The following FRMD4B variants were observed in gnomAD, a reference collection of about 807,000 sequenced individuals.
The protein encoded by FRMD4B is FERM domain containing 4B.
Under a neutral mutation model 141.5 loss-of-function variants are expected in FRMD4B, and 74 were observed. The ratio of observed to expected loss-of-function variants is 0.52; its 90% confidence interval spans 0.43 to 0.63. The LOEUF (loss-of-function observed/expected upper bound fraction) is 0.63. Among genes scored for constraint, FRMD4B ranks in the 30% least tolerant of loss-of-function variants. The pLI, the probability that FRMD4B is intolerant of heterozygous loss-of-function variation, is 0.00. For missense variants in FRMD4B, 1,366 were observed against 1,253.4 expected, an observed-to-expected ratio of 1.09 and a Z score of -1.36; for synonymous variants, 506 against 467.9, an observed-to-expected ratio of 1.08 and a Z score of -1.05.
chr3:69,247,095 GTAATAA>G (rs202123957), intron 7 of FRMD4B, among the ~76,000 whole-genome samples: 1,897 of 152,284 alleles, frequency 0.012, 22 homozygotes, highest in Non-Finnish European at 0.018. Context: ...TAGGATGATA[GTAATAA>G]TGAGGATAAT....
intron 1 of FRMD4B, among the ~76,000 whole-genome samples, chr3:69,437,850 CTATAGTATATA>C (rs1263454061): frequency 1.6e-5 from 2 of 123,658 alleles, no homozygotes; most frequent in East Asian, 2.3e-4. Flanking sequence ...AGTATATATA[CTATAGTATATA>C]TGTAGTATAT....
chr3:69,188,052 A>G, intron 18 of FRMD4B, 135 bp from the exon 19 acceptor site: 1 of 643,958 alleles, frequency 1.6e-6, no homozygotes, highest in South Asian at 1.8e-5. Context: ...TATTTTTAGA[A>G]GAACATAACT....
chr3:69,169,825 T>C lies in FRMD4B; in HGVS notation c.*2036A>G, dbSNP rs894112392. Among the ~76,000 whole-genome samples the C allele has an allele frequency of 6.6e-6, 1 of 152,172 alleles. No homozygotes were observed. Among genetic ancestry groups the C allele is most frequent in the Non-Finnish European group, 1.5e-5 (1 of 68,030 alleles). Reference sequence around the variant, plus strand: ...TTCATTTCCACTCCCTTCTCCACATTATGTAGGATTAAAGGATGTCAGAGA... The same window carrying C: ...TTCATTTCCACTCCCTTCTCCACATCATGTAGGATTAAAGGATGTCAGAGA... On this transcript the variant is annotated 3_prime_UTR_variant, in exon 23 of 23. Transcript: ENST00000398540.
chr3:69,520,761 T>C (rs1700842807), intron 1 of FRMD4B, among the ~76,000 whole-genome samples: 1 of 152,144 alleles, frequency 6.6e-6, no homozygotes, highest in Non-Finnish European at 1.5e-5. Context: ...CAATCCTTGC[T>C]CCTGCTCCTT....
intron 5 of FRMD4B, among the ~76,000 whole-genome samples, chr3:69,263,437 C>T: frequency 8.5e-6 from 1 of 117,868 alleles, no homozygotes; most frequent in Admixed American, 1.1e-4. Context: ...GGGTCTTGCT[C>T]TCTTGCTCTG....
Position 69,242,542 on chromosome 3 carries a change from G to T in FRMD4B, c.581+6684C>A, listed in dbSNP as rs975639596. Among the ~76,000 whole-genome samples the T allele has an allele frequency of 4.9e-5, 5 of 101,922 alleles. No individual in the cohort carries two copies. The Admixed American group carries it at 6.6e-4, about 13-fold the overall frequency. The allele number at this position is 101,922 out of a possible 152,430, so 66.9% of individuals were successfully genotyped here. ...TTTTTTTGTAGCACAGCTGTAACTTGTGAATATTCCCTTCCCACTTGAAGC... is the reference window on the plus strand; with the variant it reads ...TTTTTTTGTAGCACAGCTGTAACTTTTGAATATTCCCTTCCCACTTGAAGC... On this transcript the variant is annotated intron_variant, in intron 7 of 22. Coordinates refer to ENST00000398540, the MANE Select transcript of FRMD4B (RefSeq NM_015123.3).
chr3:69,353,622 T>G, intron 1 of FRMD4B: 2 of 985,208 alleles, frequency 2.0e-6, no homozygotes, highest in Non-Finnish European at 2.4e-6. Flanking sequence ...TATTAAGCAC[T>G]TGTGCGGTGT....
intron 1 of FRMD4B, among the ~76,000 whole-genome samples, chr3:69,515,726 A>G (rs1402907615): frequency 6.6e-6 from 1 of 152,198 alleles, no homozygotes; most frequent in Non-Finnish European, 1.5e-5. Flanking sequence ...TAATAAAGAA[A>G]CCAGAAGGAT....
At chr3:69,185,813 G>A (rs1055443949) in intron 19 of FRMD4B, among the ~76,000 whole-genome samples, 4 of 152,104 alleles carry the variant, frequency 2.6e-5, no homozygotes, top group African/African-American at 9.7e-5. Context: ...AGGCCGAAGT[G>A]GGCGGATCAC....
At position 69,313,460 on chromosome 3, in the gene FRMD4B, G is replaced by A. The variant is rs1362253947; in HGVS notation, c.220C>T (p.Leu74=). 9 of 1,569,796 alleles carry A rather than the reference G, an allele frequency of 5.7e-6. No individual in the cohort carries two copies. In the African/African-American group the frequency reaches 9.5e-5, roughly 17 times the overall value. The change falls in exon 2 of 23, where the codon CTG becomes TTG. Residue 74 remains leucine, a synonymous_variant. Transcript: ENST00000398540. ...HLLDDRRLEL[L]VQPKLLAREL... is the part of the protein sequence containing the mutation. ...ATGTGGGCCACACCTACCTGAACCA[G>A]CAGCTCCAGTCTCCTATCATCCAGG...
chr3:69,302,765 A>T (rs1375691185), intron 3 of FRMD4B, among the ~76,000 whole-genome samples: 1 of 152,202 alleles, frequency 6.6e-6, no homozygotes, highest in Non-Finnish European at 1.5e-5. Context: ...GATATTGTTT[A>T]AAAAAATTAT....
At chr3:69,229,331 A>C (rs1444914347) in intron 7 of FRMD4B, among the ~76,000 whole-genome samples, 1 of 152,044 alleles carries the variant, frequency 6.6e-6, no homozygotes, top group Non-Finnish European at 1.5e-5. Flanking sequence ...CAGCCCCCCA[A>C]AATTACATTC....
chr3:69,245,830 A>G (rs1297570752), intron 7 of FRMD4B, among the ~76,000 whole-genome samples: 2 of 103,192 alleles, frequency 1.9e-5, no homozygotes, highest in African/African-American at 7.4e-5. Flanking sequence ...TGCCAGGCTA[A>G]TTTGTTTTTT....
At chr3:69,230,669 A>T (rs2093298206) in intron 7 of FRMD4B, among the ~76,000 whole-genome samples, 1 of 151,624 alleles carries the variant, frequency 6.6e-6, no homozygotes, top group Admixed American at 6.6e-5. Context: ...AATCGCTTGA[A>T]CCTGGCAGGC....
At chr3:69,226,633 G>A (rs1473859498) in intron 7 of FRMD4B, among the ~76,000 whole-genome samples, 1 of 152,096 alleles carries the variant, frequency 6.6e-6, no homozygotes, top group East Asian at 1.9e-4. Flanking sequence ...ACCCAGCCTA[G>A]CATTCACTTA....
upstream of FRMD4B, among the ~76,000 whole-genome samples, chr3:69,390,593 A>G (rs1704360250): frequency 6.6e-6 from 1 of 152,110 alleles, no homozygotes; most frequent in Admixed American, 6.5e-5. Context: ...ACCCTGGTCT[A>G]ATTAAATGCT....
intron 3 of FRMD4B, 147 bp downstream of exon 3, chr3:69,311,116 A>G (rs1272104255): frequency 1.0e-5 from 5 of 498,218 alleles, no homozygotes; most frequent in African/African-American, 7.7e-5. Flanking sequence ...TAATCCTAGG[A>G]GAAAAATCGC....
At chr3:69,215,203 C>T (rs1439087124) in intron 11 of FRMD4B, among the ~76,000 whole-genome samples, 1 of 142,350 alleles carries the variant, frequency 7.0e-6, no homozygotes, top group Non-Finnish European at 1.5e-5. Context: ...TTTAAAAAAA[C>T]AGCTTCATAG....
At chr3:69,200,260 A>G (rs547831751) in intron 11 of FRMD4B, 48 of 221,918 alleles carry the variant, frequency 2.2e-4, no homozygotes, top group South Asian at 4.8e-4. Context: ...AGTGAAATAA[A>G]CCAGCACACC....
Sources: gnomAD v4.1 joint callset for allele counts (sites outside exome capture counted in the v4.1 genomes callset) on GRCh38, gnomAD v4.1.1 for gene constraint, MANE v1.5 for transcripts, NCBI Gene and HGNC (gene_info 2026-07-23, HGNC 2026-07-21) for gene names.